Variants in SLC2A3 observed in about 807,000 individuals in gnomAD.
SLC2A3 encodes solute carrier family 2, facilitated glucose transporter member 3.
A neutral mutation model predicts 46.4 loss-of-function variants in SLC2A3; 21 were observed. The observed-to-expected ratio is 0.45, with a 90% CI of 0.32 to 0.65. The LOEUF (loss-of-function observed/expected upper bound fraction) is 0.65. SLC2A3 is among the 30% of genes least tolerant of loss of function. The pLI, the probability that SLC2A3 is intolerant of heterozygous loss-of-function variation, is 0.04. For synonymous variants in SLC2A3, 213 were observed against 239.4 expected (o/e 0.89, Z 1.02); for missense variants, 499 against 623.3 (o/e 0.80, Z 2.12).
At chr12:7,924,106 A>G (rs1002789509) in intron 8 of SLC2A3, among the ~76,000 whole-genome samples, 4 of 152,124 alleles carry the variant, frequency 2.6e-5, no homozygotes, top group African/African-American at 4.8e-5. Context: ...ATGATCTCAT[A>G]TATGTCACTT....
At position 7,935,094 on chromosome 12, in the gene SLC2A3, G is replaced by A. The variant is rs773637467; in HGVS notation, c.15+926C>T. ...ATCCTCCTGCCTTGGTTTCCCAAAT[G>A]CTGGGGTTATAGGTGTGACCCACCA... On this transcript the variant is annotated intron_variant, in intron 1 of 9. Coordinates refer to ENST00000075120, the MANE Select transcript of SLC2A3 (RefSeq NM_006931.3). Among the ~76,000 whole-genome samples the A allele has an allele frequency of 5.3e-5, 8 of 151,898 alleles. 1 individual carries two copies. Among genetic ancestry groups the A allele is most frequent in the Non-Finnish European group, 8.8e-5 (6 of 68,010 alleles).
chr12:7,935,973 G>A lies in SLC2A3; in HGVS notation c.15+47C>T, dbSNP rs147190512. ...TTACCATTAATATTTGCCTTTCTGA[G>A]TGTATCCCAAACAAGCAAAAATAAC... is the stretch of plus-strand genomic sequence containing the variant. On this transcript the variant is annotated intron_variant, in intron 1 of 9. Coordinates refer to ENST00000075120, the MANE Select transcript of SLC2A3 (RefSeq NM_006931.3). 1.1e-4 allele frequency: 167 copies of A among 1,476,190 alleles called. 1 individual carries two copies. In the African/African-American group the frequency reaches 2.2e-3, roughly 19 times the overall value. 91.4% of individuals were successfully genotyped at this position (1,476,190 alleles called of 1,614,324 possible).
intron 6 of SLC2A3, among the ~76,000 whole-genome samples, chr12:7,926,404 C>G (rs1490345756): frequency 6.6e-6 from 1 of 152,122 alleles, no homozygotes; most frequent in African/African-American, 2.4e-5. Flanking sequence ...CTTTCTCTCT[C>G]TAAATGTTCT....
chr12:7,933,494 A>G, intron 2 of SLC2A3: 1 of 462,762 alleles, frequency 2.2e-6, no homozygotes, highest in Non-Finnish European at 3.9e-6. Context: ...TTCCGGGAGT[A>G]AGTGAGCTTT....
Position 7,936,176 on chromosome 12 carries a change from T to C in SLC2A3, c.-142A>G. ...CAGGAAGGATCCAAAGTCTTACCAT[T>C]ACAGCATCTCTGGGTCTCGCTGGGA... On this transcript the variant is annotated 5_prime_UTR_variant, in exon 1 of 10. It removes the in-frame stop codon of an upstream open reading frame in the 5' UTR. Coordinates refer to ENST00000075120, the MANE Select transcript of SLC2A3 (RefSeq NM_006931.3). 1.4e-6 allele frequency: 1 copy of C among 740,238 alleles called. No individual in the cohort carries two copies. 45.9% of individuals were successfully genotyped at this position (740,238 alleles called of 1,614,324 possible).
intron 6 of SLC2A3, among the ~76,000 whole-genome samples, chr12:7,929,089 C>T (rs1225605664): frequency 6.6e-6 from 1 of 151,990 alleles, no homozygotes; most frequent in Non-Finnish European, 1.5e-5. Context: ...CATCAAAATG[C>T]TCAAAATAGT....
At chr12:7,928,742 A>G (rs1248312680) in intron 6 of SLC2A3, among the ~76,000 whole-genome samples, 7 of 152,032 alleles carry the variant, frequency 4.6e-5, no homozygotes, top group Non-Finnish European at 1.0e-4. Flanking sequence ...TGTGGCCTAC[A>G]TTATCATTTC....
intron 1 of SLC2A3, 48 bp downstream of exon 1, chr12:7,935,972 A>T (rs753084608): frequency 6.8e-7 from 1 of 1,461,884 alleles, no homozygotes; most frequent in South Asian, 1.1e-5. Context: ...TGCCTTTCTG[A>T]GTGTATCCCA....
chr12:7,923,995 C>T (rs1347940001), intron 8 of SLC2A3, among the ~76,000 whole-genome samples: 4 of 151,182 alleles, frequency 2.6e-5, no homozygotes, highest in African/African-American at 4.9e-5. Flanking sequence ...CTTGAACTCT[C>T]GACATCAGGT....
At chr12:7,932,749 G>A in intron 3 of SLC2A3, 2 of 506,710 alleles carry the variant, frequency 3.9e-6, no homozygotes, top group East Asian at 6.1e-5. Flanking sequence ...TCCCTAGCTG[G>A]ACTGCAAAGG....
intron 3 of SLC2A3, among the ~76,000 whole-genome samples, chr12:7,932,174 C>T (rs2300142): frequency 0.67 from 101,586 of 150,730 alleles, 34,392 homozygotes; most frequent in Non-Finnish European, 0.72. Flanking sequence ...GCCACGGCAC[C>T]GGCTTTTTTT....
In SLC2A3 at chr12:7,930,408, G is replaced by C. The variant is rs772012497; in HGVS notation, c.673+72C>G. 1.1e-5 allele frequency: 15 copies of C among 1,406,802 alleles called. No individual in the cohort carries two copies. In the Admixed American group the frequency reaches 2.0e-4, roughly 19 times the overall value. 87.1% of individuals were successfully genotyped at this position (1,406,802 alleles called of 1,614,324 possible). Reference sequence around the variant, plus strand: ...CAGGGAAAGAGTGTAACAGAAAGTAGGTCCAGTACAATCATCCCTAAAACA... The same window carrying C: ...CAGGGAAAGAGTGTAACAGAAAGTACGTCCAGTACAATCATCCCTAAAACA... On this transcript the variant is annotated intron_variant, in intron 5 of 9. Transcript: ENST00000075120.
At chr12:7,932,772 A>C (rs754892101) in intron 3 of SLC2A3, 75 of 589,522 alleles carry the variant, frequency 1.3e-4, no homozygotes, top group Admixed American at 3.7e-4. Context: ...AATCACTCAC[A>C]GTTCATCTCT....
At chr12:7,928,907 C>G (rs972574984) in intron 6 of SLC2A3, among the ~76,000 whole-genome samples, 8 of 151,852 alleles carry the variant, frequency 5.3e-5, no homozygotes, top group Admixed American at 3.3e-4. Flanking sequence ...CCCACCTCAG[C>G]CTCCCGAGTA....
At chr12:7,934,766 G>C (rs1431735129) in intron 1 of SLC2A3, among the ~76,000 whole-genome samples, 3 of 151,822 alleles carry the variant, frequency 2.0e-5, no homozygotes, top group African/African-American at 7.3e-5. Flanking sequence ...AGATTAGGCA[G>C]CAGGCTGGGA....
At chr12:7,930,046 C>T in intron 5 of SLC2A3, 175 bp from the exon 6 acceptor site, 1 of 1,341,252 alleles carries the variant, frequency 7.5e-7, no homozygotes, top group Non-Finnish European at 9.9e-7. Context: ...AGTGCAATGG[C>T]ATGATCTCAG....
Position 7,932,837 on chromosome 12 carries a change from ATATTCGGG to A in SLC2A3, c.269+142_269+149del, listed in dbSNP as rs1946171140. On this transcript the variant is annotated intron_variant, in intron 3 of 9. Coordinates refer to ENST00000075120, the MANE Select transcript of SLC2A3 (RefSeq NM_006931.3). ...AGTAGAGCTCCAAGCAAGGGCAGTC[ATATTCGGG>A]GCCAGTTGGACTAGGTTTCCCTTGA... 3.5e-6 allele frequency: 4 copies of A among 1,155,380 alleles called. No homozygotes were observed. The Admixed American group carries it at 8.1e-5, about 23-fold the overall frequency. 71.6% of individuals were successfully genotyped at this position (1,155,380 alleles called of 1,614,324 possible).
intron 9 of SLC2A3, among the ~76,000 whole-genome samples, chr12:7,922,190 G>A (rs941214623): frequency 2.0e-5 from 3 of 151,676 alleles, no homozygotes; most frequent in African/African-American, 4.9e-5. Context: ...GTGTGATCTC[G>A]CTCACTGGGA....
chr12:7,929,587 C>G (rs967475254), intron 6 of SLC2A3, 97 bp downstream of exon 6: 41 of 1,514,296 alleles, frequency 2.7e-5, no homozygotes, highest in Non-Finnish European at 3.6e-5. Context: ...ACCTCAGCCT[C>G]CTGAGTAGCT....
Sources: allele counts gnomAD v4.1 joint callset (sites outside exome capture counted in the v4.1 genomes callset), GRCh38; gene constraint gnomAD v4.1.1; transcripts MANE v1.5; gene names NCBI Gene and HGNC (gene_info 2026-07-23, HGNC 2026-07-21).